SHPRH: variants seen among roughly 807,000 people sequenced by gnomAD.
The protein encoded by SHPRH is E3 ubiquitin-protein ligase SHPRH.
In SHPRH, 106 loss-of-function variants were observed where a neutral mutation model predicts 202.5. The observed-to-expected ratio is 0.52, with a 90% CI of 0.45 to 0.62. The LOEUF (loss-of-function observed/expected upper bound fraction) is 0.62. Among genes scored for constraint, SHPRH ranks in the 20% least tolerant of loss-of-function variants. The pLI, the probability that SHPRH is intolerant of heterozygous loss-of-function variation, is 0.00. For synonymous variants in SHPRH, 729 were observed against 686.0 expected (o/e 1.06, Z -0.98); for missense variants, 1,710 against 2,020.0 (o/e 0.85, Z 2.94).
chr6:145,900,820 T>C (rs1260137457), intron 25 of SHPRH, among the ~76,000 whole-genome samples: 3 of 152,146 alleles, frequency 2.0e-5, no homozygotes, highest in Non-Finnish European at 4.4e-5. Context: ...TTTTAAAAAT[T>C]TGTGTTTTTT....
intron 28 of SHPRH, among the ~76,000 whole-genome samples, chr6:145,890,657 C>T (rs1167850241): frequency 1.3e-5 from 2 of 152,152 alleles, no homozygotes; most frequent in South Asian, 2.1e-4. Flanking sequence ...TCTAAACTCA[C>T]TCCTAGGTAA....
At chr6:145,936,249 T>C (rs1786056478) in intron 11 of SHPRH, among the ~76,000 whole-genome samples, 1 of 152,084 alleles carries the variant, frequency 6.6e-6, no homozygotes, top group East Asian at 1.9e-4. Flanking sequence ...GAATATAAAA[T>C]TGTGCATGCA....
chr6:145,913,531 C>G lies in SHPRH; in HGVS notation c.4273G>C (p.Gly1425Arg), dbSNP rs779344223. The G allele has an allele frequency of 6.2e-7, 1 of 1,608,084 alleles. No homozygotes were observed. Residue 1425 changes from glycine to arginine, a missense_variant, in exon 24 of 30, where the codon GGA (glycine) becomes CGA (arginine). Coordinates refer to ENST00000275233, the MANE Select transcript of SHPRH (RefSeq NM_001042683.3). Reference sequence around the variant, plus strand: ...GGGCAAGGTTCTGGATTAACACCTCCCGATGTTTTATCTTGAGACTATCCA... The same window carrying G: ...GGGCAAGGTTCTGGATTAACACCTCGCGATGTTTTATCTTGAGACTATCCA... ...NLEKSQDKTS[G>R]GVNPEPCPIC...
intron 13 of SHPRH, among the ~76,000 whole-genome samples, chr6:145,933,426 G>A (rs544386468): frequency 2.6e-5 from 4 of 152,080 alleles, no homozygotes; most frequent in Admixed American, 6.5e-5. Context: ...TCTTCCTCAA[G>A]TACAAAGTAC....
chr6:145,874,169 G>A (rs1275433124), intron 2 of SHPRH, among the ~76,000 whole-genome samples: 1 of 151,752 alleles, frequency 6.6e-6, no homozygotes, highest in Non-Finnish European at 1.5e-5. Context: ...TTGCACTCCA[G>A]TCTGGGCAAC....
intron 2 of SHPRH, among the ~76,000 whole-genome samples, chr6:145,874,212 T>A (rs1562272822): frequency 6.8e-6 from 1 of 146,830 alleles, no homozygotes; most frequent in Non-Finnish European, 1.5e-5. Context: ...AATAATAAAA[T>A]AATAATAATA....
intron 26 of SHPRH, 113 bp downstream of exon 26, chr6:145,894,772 A>G: frequency 1.2e-6 from 1 of 851,806 alleles, no homozygotes; most frequent in Non-Finnish European, 1.8e-6. Context: ...TATCTTATGG[A>G]TTTGGGAAAA....
intron 16 of SHPRH, among the ~76,000 whole-genome samples, chr6:145,925,341 T>TACAC (rs10631165): frequency 0.06 from 8,785 of 145,276 alleles, 752 homozygotes; most frequent in African/African-American, 0.19. Flanking sequence ...ATGTTCTCAC[T>TACAC]ACACACACAC....
intron 16 of SHPRH, 125 bp downstream of exon 16, chr6:145,926,079 T>C (rs534146633): frequency 1.4e-4 from 130 of 920,612 alleles, no homozygotes; most frequent in Non-Finnish European, 2.0e-4. Flanking sequence ...ATTCGAAACA[T>C]CAAAGTAACA....
At chr6:145,930,444 T>G (rs905496921) in intron 14 of SHPRH, among the ~76,000 whole-genome samples, 2 of 152,162 alleles carry the variant, frequency 1.3e-5, no homozygotes, top group African/African-American at 2.4e-5. Context: ...GATATTTCAT[T>G]TTTATTCACT....
In SHPRH at chr6:145,943,567, C is replaced by T; in HGVS notation, c.1814G>A (p.Ser605Asn). Residue 605 changes from serine (S) to asparagine (N), a missense_variant, in exon 9 of 30, where the codon AGC becomes AAC. Physicochemically the swap from Ser to Asn is conservative, Grantham distance 46. Transcript: ENST00000275233. ...AGCAACATCAGTTATTCCAGAGTCG[C>T]TAGTAGCTGGACAGTGACCTTGTGA... ...PDSQGHCPATSDSGITDVAMS... is the reference protein window; with the variant it reads ...PDSQGHCPATNDSGITDVAMS... 1 of 1,613,934 alleles carries T rather than the reference C, an allele frequency of 6.2e-7. No individual in the cohort carries two copies. The highest frequency in any genetic ancestry group is 8.5e-7 in the Non-Finnish European group (1 of 1,179,914).
At chr6:145,957,216 A>T (rs1788593006) in intron 1 of SHPRH, among the ~76,000 whole-genome samples, 2 of 152,142 alleles carry the variant, frequency 1.3e-5, no homozygotes, top group Admixed American at 6.5e-5. Flanking sequence ...AAAAATAGAT[A>T]ATAAACTATA....
At chr6:145,931,798 C>A (rs1460190390) in intron 14 of SHPRH, among the ~76,000 whole-genome samples, 1 of 151,960 alleles carries the variant, frequency 6.6e-6, no homozygotes, top group Non-Finnish European at 1.5e-5. Flanking sequence ...AATAATCTTA[C>A]AATATTATAC....
chr6:145,874,473 T>A (rs1780210050), intron 2 of SHPRH, among the ~76,000 whole-genome samples: 1 of 152,138 alleles, frequency 6.6e-6, no homozygotes, highest in South Asian at 2.1e-4. Context: ...CATTTTTTTT[T>A]ATTCTGAGCT....
chr6:145,927,590 T>A (rs1170893304), intron 14 of SHPRH, among the ~76,000 whole-genome samples: 1 of 151,788 alleles, frequency 6.6e-6, no homozygotes, highest in Non-Finnish European at 1.5e-5. Context: ...AAACTTTTAA[T>A]TTAGACAAAA....
At chr6:145,905,990 C>T (rs1364479153) in intron 25 of SHPRH, 1 of 152,058 alleles carries the variant, frequency 6.6e-6, no homozygotes, top group Non-Finnish European at 1.5e-5. Flanking sequence ...TGTAGAAATA[C>T]TGCTCTTCAC....
chr6:145,959,712 G>A (rs998644712), intron 1 of SHPRH, among the ~76,000 whole-genome samples: 17 of 152,288 alleles, frequency 1.1e-4, no homozygotes, highest in South Asian at 8.3e-4. Flanking sequence ...TCACATAATT[G>A]CAAAAAGTCT....
chr6:145,883,023 G>A (rs1191575981), downstream of SHPRH, among the ~76,000 whole-genome samples: 2 of 152,084 alleles, frequency 1.3e-5, no homozygotes, highest in African/African-American at 2.4e-5. Flanking sequence ...GGGGTGTGGA[G>A]CATTAAGAGC....
In SHPRH at chr6:145,934,931, C is replaced by T. The variant is rs1307349651; in HGVS notation, c.2966G>A (p.Gly989Glu). 2 of 1,606,802 alleles carry T rather than the reference C, an allele frequency of 1.2e-6. No homozygotes were observed. Among genetic ancestry groups the T allele is most frequent in the Non-Finnish European group, 1.7e-6 (2 of 1,174,088 alleles). Residue 989 changes from glycine to glutamate, a missense_variant, in exon 13 of 30, where the codon GGA (glycine) becomes GAA (glutamate). Physicochemically the swap from Gly to Glu is moderately conservative, Grantham distance 98. Around this residue, in one of 8 missense-constraint regions of SHPRH, gnomAD observed 23 missense variants for 36.7 expected, o/e 0.63. Coordinates refer to ENST00000275233, the MANE Select transcript of SHPRH (RefSeq NM_001042683.3). ...QACCHPQAVR[G>E]EFLPLQKSTM... ...CCTTTTTTGGAGTGGCAAGAACTCT[C>T]CACGAACAGCCTGTGGGTGACAGCA...
Sources: gnomAD v4.1 joint callset for allele counts (sites outside exome capture counted in the v4.1 genomes callset) on GRCh38, gnomAD v4.1.1 for gene constraint, gnomAD v4.1.1 regional missense constraint, MANE v1.5 for transcripts, NCBI Gene and HGNC (gene_info 2026-07-23, HGNC 2026-07-21) for gene names.